C1orf185: variants seen among roughly 807,000 people sequenced by gnomAD.
C1orf185 encodes the protein chromosome 1 open reading frame 185, also known as uncharacterized protein C1orf185.
C1orf185 carries 13 observed loss-of-function variants against 16.1 expected under a neutral mutation model. That is an observed-to-expected ratio of 0.81 (90% CI 0.53 to 1.28). C1orf185 has a LOEUF of 1.28. Ranked by LOEUF, C1orf185 falls within the 50% of genes most tolerant of loss-of-function variation. C1orf185 has a pLI of 0.00. For synonymous variants in C1orf185, 80 were observed against 76.9 expected, an observed-to-expected ratio of 1.04 and a Z score of -0.21; for missense variants, 220 against 225.2, an observed-to-expected ratio of 0.98 and a Z score of 0.15.
chr1:51,143,800 C>T (rs1646381983), intron 3 of C1orf185, among the ~76,000 whole-genome samples: 1 of 152,284 alleles, frequency 6.6e-6, no homozygotes, highest in Admixed American at 6.5e-5. Context: ...GTAGCTGGCT[C>T]TACAGGCATG....
chr1:51,150,181 A>C (rs1229762809), downstream of C1orf185, among the ~76,000 whole-genome samples: 2 of 151,658 alleles, frequency 1.3e-5, no homozygotes, highest in Admixed American at 6.6e-5. Context: ...TAATATAATA[A>C]ATTGAATGTC....
chr1:51,116,498 G>C (rs1248215427), intron 2 of C1orf185, among the ~76,000 whole-genome samples: 1 of 151,938 alleles, frequency 6.6e-6, no homozygotes, highest in Non-Finnish European at 1.5e-5. Flanking sequence ...ATTTTTAGTA[G>C]AGACAGGGTT....
intron 1 of C1orf185, among the ~76,000 whole-genome samples, chr1:51,102,614 T>G (rs1194387775): frequency 1.3e-5 from 2 of 152,146 alleles, no homozygotes. Context: ...ATTATGTTCT[T>G]TCTTCATTTT....
intron 1 of C1orf185, among the ~76,000 whole-genome samples, chr1:51,106,727 C>T (rs1422637577): frequency 3.3e-5 from 5 of 151,126 alleles, no homozygotes; most frequent in Non-Finnish European, 7.4e-5. Flanking sequence ...CATAAATGAA[C>T]ATTTTTTTGT....
Position 51,102,368 on chromosome 1 carries a change from A to G in C1orf185, c.16+119A>G. 6.4e-6 allele frequency: 4 copies of G among 622,164 alleles called. No individual in the cohort carries two copies. In the South Asian group the frequency reaches 7.5e-5, roughly 12 times the overall value. The allele number at this position is 622,164 out of a possible 1,614,324, so 38.5% of individuals were successfully genotyped here. A position where few individuals can be genotyped will look rare whatever the true frequency, so the allele number is the denominator to read the frequency against. The stretch of plus-strand genomic sequence containing the variant: ...TGGAAGAGCTTGTATAAGATAAGAA[A>G]TACTTGAATCATGGGTATACAGTAG... On this transcript the variant is annotated intron_variant, in intron 1 of 4. Transcript: ENST00000371759.
downstream of C1orf185, among the ~76,000 whole-genome samples, chr1:51,151,861 T>G (rs1441071575): frequency 6.6e-6 from 1 of 151,948 alleles, no homozygotes; most frequent in Non-Finnish European, 1.5e-5. Context: ...GATAATTTTT[T>G]TGTATTTTTA....
At chr1:51,113,154 G>A (rs1474135371) in intron 2 of C1orf185, among the ~76,000 whole-genome samples, 1 of 151,828 alleles carries the variant, frequency 6.6e-6, no homozygotes, top group Admixed American at 6.6e-5. Flanking sequence ...GATTGTAATG[G>A]TAGGTGAAAA....
At chr1:51,125,843 T>C (rs915214768) in intron 3 of C1orf185, among the ~76,000 whole-genome samples, 1 of 152,056 alleles carries the variant, frequency 6.6e-6, no homozygotes, top group Non-Finnish European at 1.5e-5. Flanking sequence ...TGCCAGGTCA[T>C]TGGGTTTTAA....
chr1:51,127,109 C>A (rs556748852), intron 3 of C1orf185, among the ~76,000 whole-genome samples: 5 of 151,966 alleles, frequency 3.3e-5, no homozygotes, highest in African/African-American at 1.2e-4. Flanking sequence ...GATTAATTAC[C>A]TACAATAGAA....
At chr1:51,112,782 A>C (rs1646130804) in intron 2 of C1orf185, among the ~76,000 whole-genome samples, 1 of 151,938 alleles carries the variant, frequency 6.6e-6, no homozygotes, top group Non-Finnish European at 1.5e-5. Context: ...TCATGCATTA[A>C]AATTTTGAAG....
At chr1:51,147,079 ATAAT>A (rs548203907) in intron 4 of C1orf185, among the ~76,000 whole-genome samples, 143 of 152,310 alleles carry the variant, frequency 9.4e-4, no homozygotes, top group African/African-American at 3.1e-3. Context: ...AATATCATAA[ATAAT>A]TATTTCTCAG....
chr1:51,148,857 G>C (rs895323478), downstream of C1orf185, among the ~76,000 whole-genome samples: 1 of 152,168 alleles, frequency 6.6e-6, no homozygotes, highest in African/African-American at 2.4e-5. Flanking sequence ...AGCCCTGAAG[G>C]TTGAGGCTGC....
chr1:51,139,405 A>G (rs896888514), intron 3 of C1orf185, among the ~76,000 whole-genome samples: 2 of 152,094 alleles, frequency 1.3e-5, no homozygotes, highest in Admixed American at 6.6e-5. Flanking sequence ...CACCTGTCCA[A>G]ATTTTCTTTC....
intron 3 of C1orf185, among the ~76,000 whole-genome samples, chr1:51,142,014 C>T (rs942115347): frequency 6.6e-6 from 1 of 152,076 alleles, no homozygotes; most frequent in African/African-American, 2.4e-5. Flanking sequence ...AGTGATCTGC[C>T]TGTCTCAGCC....
chr1:51,128,958 C>T (rs1646262552), intron 3 of C1orf185, among the ~76,000 whole-genome samples: 1 of 151,994 alleles, frequency 6.6e-6, no homozygotes, highest in Non-Finnish European at 1.5e-5. Flanking sequence ...AATCTTGGCT[C>T]ACTGCAACAT....
chr1:51,142,368 G>T (rs1179126211), intron 3 of C1orf185, among the ~76,000 whole-genome samples: 1 of 152,130 alleles, frequency 6.6e-6, no homozygotes, highest in Non-Finnish European at 1.5e-5. Context: ...ATAATAGGTG[G>T]CTCCTCAATT....
intron 3 of C1orf185, among the ~76,000 whole-genome samples, chr1:51,125,725 T>C (rs138601263): frequency 6.6e-6 from 1 of 152,194 alleles, no homozygotes. Flanking sequence ...TGCTCAAATA[T>C]GTCACCCTGA....
chr1:51,103,464 A>T (rs903312675), intron 1 of C1orf185, among the ~76,000 whole-genome samples: 1 of 139,258 alleles, frequency 7.2e-6, no homozygotes, highest in African/African-American at 2.6e-5. Context: ...CCACGAAACA[A>T]ATAAAAACTT....
chr1:51,118,299 A>C (rs1002574647), intron 2 of C1orf185, among the ~76,000 whole-genome samples: 7 of 152,226 alleles, frequency 4.6e-5, no homozygotes, highest in African/African-American at 1.7e-4. Context: ...CTTCACCATT[A>C]AGGATAATTT....
Sources: allele counts gnomAD v4.1 joint callset (sites outside exome capture counted in the v4.1 genomes callset), GRCh38; gene constraint gnomAD v4.1.1; transcripts MANE v1.5; gene names NCBI Gene and HGNC (gene_info 2026-07-23, HGNC 2026-07-21).